Variants in SCAND3 observed in about 807,000 individuals in gnomAD.
The protein encoded by SCAND3 is SCAN domain-containing protein 3.
the SCAND3 span, chr6:28,586,692 G>A: frequency 1.2e-5 from 19 of 1,613,690 alleles, no homozygotes; most frequent in Admixed American, 3.3e-5. The surrounding 1 kb of genome is among the most constrained non-coding windows in gnomAD (Gnocchi z 4.4). Flanking sequence ...AGCCAAGGCT[G>A]GGAAGACCCT....
chr6:28,573,355 T>C, the SCAND3 span: 1 of 1,614,128 alleles, frequency 6.2e-7, no homozygotes, highest in Non-Finnish European at 8.5e-7. Context: ...GATGCAGTCT[T>C]TCACTAGTGT....
the SCAND3 span, chr6:28,597,917 A>G: frequency 3.9e-5 from 6 of 152,240 alleles, no homozygotes; most frequent in Admixed American, 2.0e-4. Context: ...CAGCAAAGAG[A>G]CGCTTTCATT....
At chr6:28,589,025 T>C in the SCAND3 span, among the ~76,000 whole-genome samples, 1 of 152,228 alleles carries the variant, frequency 6.6e-6, no homozygotes, top group African/African-American at 2.4e-5. Context: ...CTACTCCAGC[T>C]TATCCTCAGA....
chr6:28,580,794 AC>A, the SCAND3 span, among the ~76,000 whole-genome samples: 3 of 39,808 alleles, frequency 7.5e-5, no homozygotes, highest in East Asian at 2.1e-3. Context: ...ACTCTCCCCC[AC>A]CCCCCCACCC....
chr6:28,579,227 T>C, the SCAND3 span: 3 of 1,569,880 alleles, frequency 1.9e-6, no homozygotes, highest in Non-Finnish European at 2.6e-6. This position sits in a 1 kb window ranked among gnomAD's most constrained non-coding sequence, Gnocchi z 4.5. Flanking sequence ...AGACCCTTCA[T>C]TCTCCCAAGT....
chr6:28,589,852 GTTTGTTTTT>G, the SCAND3 span: 2 of 117,668 alleles, frequency 1.7e-5, no homozygotes, highest in South Asian at 6.5e-4. Flanking sequence ...TTGTTTTTTT[GTTTGTTTTT>G]TTTTTTTTTT....
chr6:28,593,450 G>A, the SCAND3 span: 2,905 of 151,830 alleles, frequency 0.019, 41 homozygotes, highest in African/African-American at 0.038. Flanking sequence ...TGAGGCGGGC[G>A]GATCACCTGA....
the SCAND3 span, among the ~76,000 whole-genome samples, chr6:28,582,416 G>A: frequency 6.6e-6 from 1 of 152,080 alleles, no homozygotes. The surrounding 1 kb of genome is among the most constrained non-coding windows in gnomAD (Gnocchi z 4.8). Flanking sequence ...TACAGTATTT[G>A]TTATTTAAAG....
chr6:28,614,754 C>T, the SCAND3 span, among the ~76,000 whole-genome samples: 1 of 152,194 alleles, frequency 6.6e-6, no homozygotes, highest in South Asian at 2.1e-4. Flanking sequence ...TGTGAGCCAT[C>T]GTGCTGGTCC....
the SCAND3 span, chr6:28,589,570 A>G: frequency 1.3e-5 from 2 of 149,810 alleles, no homozygotes; most frequent in Admixed American, 1.3e-4. Flanking sequence ...ACGGTATTGA[A>G]CTCTCCCCTT....
the SCAND3 span, among the ~76,000 whole-genome samples, chr6:28,588,349 G>A: frequency 6.6e-6 from 1 of 152,190 alleles, no homozygotes; most frequent in Non-Finnish European, 1.5e-5. This position sits in a 1 kb window ranked among gnomAD's most constrained non-coding sequence, Gnocchi z 4.1. Context: ...GCCATGCTGA[G>A]CACAGTAGGC....
the SCAND3 span, among the ~76,000 whole-genome samples, chr6:28,595,550 C>T: frequency 5.3e-5 from 8 of 151,770 alleles, no homozygotes; most frequent in African/African-American, 1.7e-4. Context: ...GGCGAGACCC[C>T]GTCTCTACTA....
chr6:28,573,968 A>C, the SCAND3 span: 2 of 1,128,652 alleles, frequency 1.8e-6, no homozygotes, highest in Non-Finnish European at 2.3e-6. Context: ...ATAAATGCCT[A>C]TATTTTCTCA....
At chr6:28,582,259 AT>A in the SCAND3 span, among the ~76,000 whole-genome samples, 2 of 152,192 alleles carry the variant, frequency 1.3e-5, no homozygotes, top group South Asian at 4.2e-4. The surrounding 1 kb of genome is among the most constrained non-coding windows in gnomAD (Gnocchi z 4.8). Flanking sequence ...TTGTTTTGTG[AT>A]TTTTTTTAAG....
chr6:28,574,925 G>A, the SCAND3 span: 1 of 1,613,700 alleles, frequency 6.2e-7, no homozygotes, highest in Non-Finnish European at 8.5e-7. Flanking sequence ...CTGCTCTCAG[G>A]AGGGCTTTTT....
chr6:28,615,752 C>G, the SCAND3 span, among the ~76,000 whole-genome samples: 2 of 152,294 alleles, frequency 1.3e-5, no homozygotes, highest in South Asian at 4.1e-4. Flanking sequence ...GGACCTTCTT[C>G]TCGTCCTTCT....
At chr6:28,611,515 G>A in the SCAND3 span, among the ~76,000 whole-genome samples, 1 of 152,154 alleles carries the variant, frequency 6.6e-6, no homozygotes, top group East Asian at 1.9e-4. Context: ...TTGAGCAAAA[G>A]GACTTGCATT....
the SCAND3 span, among the ~76,000 whole-genome samples, chr6:28,613,201 G>C: frequency 6.6e-6 from 1 of 152,140 alleles, no homozygotes; most frequent in Non-Finnish European, 1.5e-5. Context: ...AAATTTTCTA[G>C]TACACACTAG....
chr6:28,575,417 C>G, the SCAND3 span: 1 of 1,613,938 alleles, frequency 6.2e-7, no homozygotes, highest in Non-Finnish European at 8.5e-7. The surrounding 1 kb of genome is among the most constrained non-coding windows in gnomAD (Gnocchi z 4.2). Flanking sequence ...ACACTGGGTG[C>G]TCCAATAATT....
Sources: allele counts gnomAD v4.1 joint callset (sites outside exome capture counted in the v4.1 genomes callset), GRCh38; gene constraint gnomAD v4.1.1; non-coding constraint Gnocchi (gnomAD v3.1); transcripts MANE v1.5; gene names NCBI Gene and HGNC (gene_info 2026-07-23, HGNC 2026-07-21).